The following PLAC1 variants were observed in gnomAD, a reference collection of about 807,000 sequenced individuals.
The protein encoded by PLAC1 is placenta-specific protein 1.
For missense variants in PLAC1, 136 were observed against 163.2 expected (o/e 0.83, Z 0.91); for synonymous variants, 68 against 62.1 (o/e 1.09, Z -0.44).
intron 1 of PLAC1, among the ~76,000 whole-genome samples, chrX:134,746,739 T>C (rs2078730122): frequency 8.9e-6 from 1 of 111,983 alleles, no homozygotes; most frequent in Non-Finnish European, 1.9e-5. Flanking sequence ...TACATTAACA[T>C]TAGTGAGACA....
intron 2 of PLAC1, among the ~76,000 whole-genome samples, chrX:134,729,386 T>C (rs2078682317): frequency 8.9e-6 from 1 of 112,070 alleles, no homozygotes; most frequent in Non-Finnish European, 1.9e-5. Context: ...ACTATACTTA[T>C]CTTGTTTTAT....
intron 2 of PLAC1, among the ~76,000 whole-genome samples, chrX:134,678,564 A>G (rs933141620): frequency 2.7e-5 from 3 of 111,502 alleles, no homozygotes; most frequent in Non-Finnish European, 5.6e-5. Context: ...TCTAGCACTT[A>G]TCACTACCTG....
chrX:134,567,739 CAGAG>C (rs770559094), intron 2 of PLAC1, among the ~76,000 whole-genome samples: 13 of 84,180 alleles, frequency 1.5e-4, no homozygotes, highest in Admixed American at 5.0e-4. Flanking sequence ...GCCTGGGCAA[CAGAG>C]AGAGAGAGAC....
chrX:134,651,086 G>T, intron 1 of PLAC1: 1 of 280,686 alleles, frequency 3.6e-6, no homozygotes. Flanking sequence ...TGGAGAAAAA[G>T]TTCAGTGAGA....
At chrX:134,749,671 G>A (rs756964796) in intron 1 of PLAC1, among the ~76,000 whole-genome samples, 6 of 111,960 alleles carry the variant, frequency 5.4e-5, no homozygotes, top group East Asian at 2.8e-4. Context: ...AATTCTTTTC[G>A]TGTTATTAAC....
chrX:134,566,737 AT>A lies in PLAC1; in HGVS notation c.-56del. The A allele has an allele frequency of 1.0e-6, 1 of 965,532 alleles. No homozygotes were observed. The highest frequency in any genetic ancestry group is 1.4e-6 in the Non-Finnish European group (1 of 707,305). 79.6% of individuals were successfully genotyped at this position (965,532 alleles called of 1,213,427 possible). A position where few individuals can be genotyped will look rare whatever the true frequency, so the allele number is the denominator to read the frequency against. On this transcript the variant is annotated splice_region_variant and 5_prime_UTR_variant, in exon 3 of 3. Coordinates refer to ENST00000359237, the MANE Select transcript of PLAC1 (RefSeq NM_021796.4). The stretch of plus-strand genomic sequence containing the variant: ...GGAAACAGGAAGCCGTCCAGTGAGG[AT>A]TTCTAGAGCACAAAAAAACACAAGA...
intron 2 of PLAC1, among the ~76,000 whole-genome samples, chrX:134,573,612 C>G (rs1041785843): frequency 1.8e-5 from 2 of 111,855 alleles, no homozygotes; most frequent in Non-Finnish European, 3.8e-5. Context: ...AATGAGGGCT[C>G]TAGATGGCTT....
rs1321092438 is a variant in PLAC1 at position 134,575,449 on chromosome X, A to C, written c.-58-8709T>G. ...CCAGAGTGAGACCCTGTCTCCAAAA[A>C]AAAACAAACAAAAAAAAAAGAGCAA... On this transcript the variant is annotated intron_variant, in intron 2 of 2. Transcript: ENST00000359237. Among the ~76,000 whole-genome samples, 33 of 88,473 alleles carry C rather than the reference A, an allele frequency of 3.7e-4. No individual in the cohort carries two copies. The South Asian group carries it at 6.3e-3, about 17-fold the overall frequency. The allele number at this position is 88,473 out of a possible 115,157, so 76.8% of individuals were successfully genotyped here.
intron 2 of PLAC1, among the ~76,000 whole-genome samples, chrX:134,726,562 C>T (rs566712538): frequency 8.9e-6 from 1 of 111,764 alleles, no homozygotes; most frequent in African/African-American, 3.3e-5. Context: ...CTGTGGCTCA[C>T]GCCTGTAATC....
intron 2 of PLAC1, among the ~76,000 whole-genome samples, chrX:134,682,860 T>A (rs1380703395): frequency 3.6e-5 from 4 of 111,539 alleles, no homozygotes; most frequent in Non-Finnish European, 7.5e-5. Context: ...CCGGCCTCTA[T>A]CTGCTCTTGA....
chrX:134,679,308 G>A (rs185289855), intron 2 of PLAC1, among the ~76,000 whole-genome samples: 9 of 111,172 alleles, frequency 8.1e-5, no homozygotes, highest in South Asian at 3.9e-4. Flanking sequence ...CGAGTAGGCC[G>A]TGGATATATA....
intron 2 of PLAC1, among the ~76,000 whole-genome samples, chrX:134,698,056 G>A (rs1278303277): frequency 1.8e-5 from 2 of 111,399 alleles, no homozygotes; most frequent in Admixed American, 9.5e-5. Flanking sequence ...TGGTATCATC[G>A]TTTTAATGTT....
chrX:134,720,712 G>C (rs1453680583), intron 2 of PLAC1, among the ~76,000 whole-genome samples: 1 of 112,668 alleles, frequency 8.9e-6, no homozygotes, highest in Non-Finnish European at 1.9e-5. Context: ...CTAGAGCACA[G>C]TGTCATAATC....
At chrX:134,638,156 G>A (rs866709761) in intron 1 of PLAC1, among the ~76,000 whole-genome samples, 4 of 112,213 alleles carry the variant, frequency 3.6e-5, no homozygotes, top group Middle Eastern at 9.3e-3. Flanking sequence ...GGCACGTATC[G>A]TTTACTCTGG....
At chrX:134,691,852 C>G (rs2078543527) in intron 2 of PLAC1, among the ~76,000 whole-genome samples, 1 of 111,521 alleles carries the variant, frequency 9.0e-6, no homozygotes, top group Non-Finnish European at 1.9e-5. Flanking sequence ...CAGAAAACAG[C>G]CTGGGAGCCT....
At chrX:134,641,088 A>T in intron 1 of PLAC1, among the ~76,000 whole-genome samples, 1 of 111,566 alleles carries the variant, frequency 9.0e-6, no homozygotes, top group Non-Finnish European at 1.9e-5. Flanking sequence ...CTCCAAAATA[A>T]AAAAATAAAA....
chrX:134,684,918 G>T (rs937357421), intron 2 of PLAC1, among the ~76,000 whole-genome samples: 1 of 112,325 alleles, frequency 8.9e-6, no homozygotes, highest in Non-Finnish European at 1.9e-5. Flanking sequence ...TGTACACAAG[G>T]TTATCCCTGA....
At chrX:134,643,877 C>A (rs1383931927) in intron 1 of PLAC1, among the ~76,000 whole-genome samples, 1 of 109,061 alleles carries the variant, frequency 9.2e-6, no homozygotes, top group Non-Finnish European at 1.9e-5. Flanking sequence ...GGCTGTGTGA[C>A]CTTGGGCAAG....
chrX:134,634,688 A>G (rs1332196543), intron 1 of PLAC1, among the ~76,000 whole-genome samples: 1 of 112,441 alleles, frequency 8.9e-6, no homozygotes, highest in African/African-American at 3.2e-5. Flanking sequence ...GTTGTGGCAT[A>G]TATCAGTTCT....
Sources: gnomAD v4.1 joint callset for allele counts (sites outside exome capture counted in the v4.1 genomes callset) on GRCh38, gnomAD v4.1.1 for gene constraint, MANE v1.5 for transcripts, NCBI Gene and HGNC (gene_info 2026-07-23, HGNC 2026-07-21) for gene names.